The following PLCB1 variants were observed in gnomAD, a reference collection of about 807,000 sequenced individuals.
The protein encoded by PLCB1 is phospholipase C beta 1, also known as 1-phosphatidylinositol 4,5-bisphosphate phosphodiesterase beta-1.
Under a neutral mutation model 161.8 loss-of-function variants are expected in PLCB1, and 46 were observed. The observed-to-expected ratio is 0.28, with a 90% CI of 0.22 to 0.36. PLCB1 has a LOEUF of 0.36. Ranked by LOEUF, PLCB1 falls within the 10% of genes least tolerant of loss-of-function variation. The pLI is 1.00. For missense variants in PLCB1, 1,016 were observed against 1,472.5 expected, an observed-to-expected ratio of 0.69 and a Z score of 5.07; for synonymous variants, 517 against 503.7, an observed-to-expected ratio of 1.03 and a Z score of -0.35.
chr20:8,661,534 A>G (rs1989621738), intron 9 of PLCB1, among the ~76,000 whole-genome samples: 1 of 151,984 alleles, frequency 6.6e-6, no homozygotes, highest in Non-Finnish European at 1.5e-5. Flanking sequence ...TCTAGAATCC[A>G]TATGAAAGAA....
At chr20:8,496,560 T>C (rs948846425) in intron 3 of PLCB1, among the ~76,000 whole-genome samples, 10 of 152,194 alleles carry the variant, frequency 6.6e-5, no homozygotes, top group Admixed American at 2.6e-4. Flanking sequence ...CCTCTCTTTT[T>C]CTCATGGGCC....
At chr20:8,527,831 A>G (rs1360286661) in intron 3 of PLCB1, among the ~76,000 whole-genome samples, 1 of 152,140 alleles carries the variant, frequency 6.6e-6, no homozygotes, top group Admixed American at 6.6e-5. Flanking sequence ...TTGAAAAAAT[A>G]AACTAGCACA....
At chr20:8,245,500 A>T (rs60345389) in intron 2 of PLCB1, among the ~76,000 whole-genome samples, 3,862 of 152,016 alleles carry the variant, frequency 0.025, 158 homozygotes, top group African/African-American at 0.088. Flanking sequence ...CTGTAGATAT[A>T]GCATAATTTA....
chr20:8,594,340 T>C (rs1359401032), intron 3 of PLCB1, among the ~76,000 whole-genome samples: 1 of 151,960 alleles, frequency 6.6e-6, no homozygotes, highest in East Asian at 1.9e-4. Flanking sequence ...ATAGGATTTT[T>C]AAGTTTGGTC....
chr20:8,426,117 A>G (rs904176700), intron 3 of PLCB1, among the ~76,000 whole-genome samples: 3 of 152,208 alleles, frequency 2.0e-5, no homozygotes, highest in Admixed American at 6.5e-5. Flanking sequence ...AAAGCCAGGG[A>G]CACGATGAAA....
chr20:8,725,807 A>G (rs1350222760), intron 16 of PLCB1, among the ~76,000 whole-genome samples: 1 of 152,148 alleles, frequency 6.6e-6, no homozygotes, highest in East Asian at 1.9e-4. Flanking sequence ...AAGAGCCAAT[A>G]TATTTAGATT....
chr20:8,194,357 G>T (rs2052001189), intron 2 of PLCB1, among the ~76,000 whole-genome samples: 1 of 151,970 alleles, frequency 6.6e-6, no homozygotes, highest in South Asian at 2.1e-4. Context: ...AAAGTGTGTT[G>T]CAGTCCAAAG....
chr20:8,822,663 C>T (rs1247375682), intron 31 of PLCB1, among the ~76,000 whole-genome samples: 4 of 152,172 alleles, frequency 2.6e-5, no homozygotes, highest in African/African-American at 9.7e-5. Flanking sequence ...AAACACAAGT[C>T]CCTGGATTAG....
chr20:8,809,830 G>A (rs1447372452), intron 31 of PLCB1, among the ~76,000 whole-genome samples: 1 of 151,986 alleles, frequency 6.6e-6, no homozygotes, highest in African/African-American at 2.4e-5. Context: ...ATGTTTTAAG[G>A]ACAACAGAAA....
intron 3 of PLCB1, among the ~76,000 whole-genome samples, chr20:8,498,347 G>A (rs781340749): frequency 3.3e-5 from 5 of 151,446 alleles, no homozygotes; most frequent in South Asian, 2.1e-4. Context: ...TGCCTGCCTC[G>A]GCCTCCCAAA....
chr20:8,319,005 G>A (rs1321669664), intron 2 of PLCB1, among the ~76,000 whole-genome samples: 1 of 152,008 alleles, frequency 6.6e-6, no homozygotes, highest in Non-Finnish European at 1.5e-5. Context: ...AAAGTAGTCT[G>A]TGTTTAGCTG....
At chr20:8,804,982 CA>C (rs1216845497) in intron 31 of PLCB1, among the ~76,000 whole-genome samples, 1 of 65,622 alleles carries the variant, frequency 1.5e-5, no homozygotes, top group Admixed American at 2.3e-4. Flanking sequence ...GCCTGGGCAA[CA>C]AGAGCAAAAC....
At chr20:8,492,745 A>G (rs965247027) in intron 3 of PLCB1, among the ~76,000 whole-genome samples, 2 of 151,912 alleles carry the variant, frequency 1.3e-5, no homozygotes, top group African/African-American at 4.8e-5. Context: ...CCTAAGCACA[A>G]ATATTCCCAG....
At chr20:8,738,777 C>T (rs539552194) in intron 20 of PLCB1, among the ~76,000 whole-genome samples, 2 of 152,156 alleles carry the variant, frequency 1.3e-5, no homozygotes, top group Non-Finnish European at 2.9e-5. Flanking sequence ...CATGTCTTCT[C>T]CTCTGAAAAT....
intron 27 of PLCB1, among the ~76,000 whole-genome samples, chr20:8,783,462 C>T (rs937469169): frequency 6.6e-6 from 1 of 152,186 alleles, no homozygotes; most frequent in African/African-American, 2.4e-5. Context: ...ACTATTTTCA[C>T]ATCTTATGCA....
intron 14 of PLCB1, 134 bp from the exon 15 acceptor site, chr20:8,722,219 CT>C (rs1979681398): frequency 1.7e-6 from 1 of 577,014 alleles, no homozygotes. Flanking sequence ...AATTTAAATC[CT>C]TGAAAAAAAT....
rs150489373 is a variant in PLCB1, at chr20:8,190,886, G to C, written c.177+40515G>C. On this transcript the variant is annotated intron_variant, in intron 2 of 31. Coordinates refer to ENST00000338037, the MANE Select transcript of PLCB1 (RefSeq NM_015192.4). ...CTCAAGTGAATGACCGGGTCCGGTG[G>C]AGAAGCTGGCTGATTTGTTATTTGT... 2.0e-3 allele frequency among the ~76,000 whole-genome samples: 299 copies of C among 152,218 alleles called. 1 individual carries two copies. The highest frequency in any genetic ancestry group is 6.5e-3 in the African/African-American group (270 of 41,564).
chr20:8,152,296 A>G (rs981680714), intron 2 of PLCB1, among the ~76,000 whole-genome samples: 6 of 152,018 alleles, frequency 3.9e-5, no homozygotes, highest in African/African-American at 1.5e-4. Flanking sequence ...GGATTTAAGA[A>G]AAAAAAATTA....
chr20:8,273,017 T>C (rs1982359517), intron 2 of PLCB1, among the ~76,000 whole-genome samples: 1 of 152,064 alleles, frequency 6.6e-6, no homozygotes, highest in Non-Finnish European at 1.5e-5. Context: ...GGAGAGCAAA[T>C]AAAAGTAAAG....
Sources: gnomAD v4.1 joint callset for allele counts (sites outside exome capture counted in the v4.1 genomes callset) on GRCh38, gnomAD v4.1.1 for gene constraint, MANE v1.5 for transcripts, NCBI Gene and HGNC (gene_info 2026-07-23, HGNC 2026-07-21) for gene names.